Variants in ABCD3 observed in about 807,000 individuals in gnomAD.
ABCD3 encodes the protein ATP-binding cassette sub-family D member 3.
A neutral mutation model predicts 105.5 loss-of-function variants in ABCD3; 41 were observed. The observed-to-expected ratio is 0.39, with a 90% CI of 0.30 to 0.50. The LOEUF is 0.50. ABCD3 is among the 20% of genes least tolerant of loss of function. ABCD3 has a pLI of 0.84. For missense variants in ABCD3, 622 were observed against 806.3 expected (o/e 0.77, Z 2.77); for synonymous variants, 258 against 269.0 (o/e 0.96, Z 0.40).
intron 10 of ABCD3, among the ~76,000 whole-genome samples, chr1:94,485,204 A>G (rs1043626755): frequency 2.6e-5 from 4 of 152,190 alleles, no homozygotes; most frequent in Admixed American, 2.0e-4. Context: ...CCACTTGGAA[A>G]ATTTGAATTC....
the ABCD3 span, among the ~76,000 whole-genome samples, chr1:94,411,894 T>C: frequency 6.6e-6 from 1 of 152,110 alleles, no homozygotes; most frequent in African/African-American, 2.4e-5. Context: ...AAGCCAGACA[T>C]AAAAGGGCAC....
At chr1:94,412,084 C>T in the ABCD3 span, among the ~76,000 whole-genome samples, 9 of 152,052 alleles carry the variant, frequency 5.9e-5, no homozygotes, top group East Asian at 1.7e-3. Context: ...TGGGAGTTGC[C>T]CCACATTGTA....
intron 16 of ABCD3, among the ~76,000 whole-genome samples, chr1:94,493,487 T>C (rs1649635432): frequency 6.6e-6 from 1 of 151,418 alleles, no homozygotes; most frequent in South Asian, 2.1e-4. Flanking sequence ...ACTTTTACAC[T>C]GTTGGTGGGA....
At chr1:94,475,515 T>A (rs1648695779) in intron 6 of ABCD3, 99 bp from the exon 7 acceptor site, 1 of 1,295,186 alleles carries the variant, frequency 7.7e-7, no homozygotes, top group Non-Finnish European at 1.1e-6. Flanking sequence ...CTTTTTTGTT[T>A]CTATGTATTT....
chr1:94,422,789 T>C (rs1365918725), intron 1 of ABCD3, among the ~76,000 whole-genome samples: 2 of 152,230 alleles, frequency 1.3e-5, no homozygotes, highest in African/African-American at 4.8e-5. Context: ...TACCTGAGCA[T>C]ATATAACCTG....
At chr1:94,444,028 T>A (rs1660237286) in intron 1 of ABCD3, among the ~76,000 whole-genome samples, 1 of 152,058 alleles carries the variant, frequency 6.6e-6, no homozygotes, top group Non-Finnish European at 1.5e-5. Flanking sequence ...ATTTTTTGCT[T>A]CTATCTGTGT....
At chr1:94,407,144 C>T in the ABCD3 span, among the ~76,000 whole-genome samples, 2 of 151,850 alleles carry the variant, frequency 1.3e-5, no homozygotes, top group African/African-American at 4.8e-5. Context: ...ATTGAAACAT[C>T]CTTTTGTTTT....
At chr1:94,420,184 A>G (rs1024483050) in intron 1 of ABCD3, among the ~76,000 whole-genome samples, 1 of 152,168 alleles carries the variant, frequency 6.6e-6, no homozygotes, top group Non-Finnish European at 1.5e-5. Flanking sequence ...AATTTTTACA[A>G]GTAGAACACA....
the ABCD3 span, among the ~76,000 whole-genome samples, chr1:94,411,737 C>A: frequency 6.6e-6 from 1 of 152,124 alleles, no homozygotes; most frequent in Non-Finnish European, 1.5e-5. Context: ...AAGGTAGAAA[C>A]AACCCAAATG....
At chr1:94,480,711 G>T in intron 9 of ABCD3, 105 bp downstream of exon 9, 1 of 1,172,164 alleles carries the variant, frequency 8.5e-7, no homozygotes, top group Non-Finnish European at 1.3e-6. Context: ...CTGTAATAAT[G>T]TGCATATTGT....
the ABCD3 span, among the ~76,000 whole-genome samples, chr1:94,391,642 T>C: frequency 6.6e-6 from 1 of 152,280 alleles, no homozygotes; most frequent in East Asian, 1.9e-4. Flanking sequence ...GCACTCCTCA[T>C]TGCTTTCATG....
rs1553168370 is a variant in ABCD3, at chr1:94,438,333, C to CACACACACAG, written c.110+19754_110+19755insGACACACACA. On this transcript the variant is annotated intron_variant, in intron 1 of 22. Coordinates refer to ENST00000370214, the MANE Select transcript of ABCD3 (RefSeq NM_002858.4). Reference sequence around the variant, plus strand: ...ACACACACACACACACACACACACACACACACACACAAACTTGAAAGGATG... The same window carrying CACACACACAG: ...ACACACACACACACACACACACACACACACACACAGACACACACACAAACTTGAAAGGATG... 8.0e-5 allele frequency among the ~76,000 whole-genome samples: 12 copies of CACACACACAG among 149,940 alleles called. No individual in the cohort carries two copies. The East Asian group carries it at 2.1e-3, about 27-fold the overall frequency.
intron 7 of ABCD3, among the ~76,000 whole-genome samples, chr1:94,475,982 G>A (rs1291655231): frequency 6.6e-6 from 1 of 152,058 alleles, no homozygotes; most frequent in Non-Finnish European, 1.5e-5. Context: ...AATTTTGCAG[G>A]TTGATTCCAT....
At chr1:94,493,193 C>G (rs1301473777) in intron 16 of ABCD3, among the ~76,000 whole-genome samples, 2 of 151,970 alleles carry the variant, frequency 1.3e-5, no homozygotes, top group Admixed American at 1.3e-4. Context: ...TCGCAACCTA[C>G]TCATCTGACA....
At chr1:94,480,759 AAGT>A (rs545793773) in intron 9 of ABCD3, among the ~76,000 whole-genome samples, 153 bp downstream of exon 9, 21 of 152,294 alleles carry the variant, frequency 1.4e-4, no homozygotes, top group Admixed American at 9.8e-4. Flanking sequence ...TAGTTTTATA[AAGT>A]AGTAATCATG....
At chr1:94,485,128 CT>C (rs1160658098) in intron 10 of ABCD3, among the ~76,000 whole-genome samples, 1 of 152,084 alleles carries the variant, frequency 6.6e-6, no homozygotes. Context: ...AGTTTACTGG[CT>C]TTTTGTTTTA....
chr1:94,515,361 T>C, intron 22 of ABCD3, among the ~76,000 whole-genome samples, 159 bp downstream of exon 22: 1 of 152,050 alleles, frequency 6.6e-6, no homozygotes, highest in East Asian at 1.9e-4. Flanking sequence ...TTTTCTTAAA[T>C]ATTATAGTTG....
At chr1:94,395,495 T>A in the ABCD3 span, among the ~76,000 whole-genome samples, 1 of 152,166 alleles carries the variant, frequency 6.6e-6, no homozygotes, top group African/African-American at 2.4e-5. Flanking sequence ...TAGGAATGCA[T>A]AAATTATCAC....
intron 1 of ABCD3, among the ~76,000 whole-genome samples, chr1:94,443,487 T>G (rs1276887217): frequency 6.6e-6 from 1 of 152,194 alleles, no homozygotes; most frequent in Non-Finnish European, 1.5e-5. Flanking sequence ...TATTTTTGTT[T>G]TTGTTGTGCT....
Sources: gnomAD v4.1 joint callset for allele counts (sites outside exome capture counted in the v4.1 genomes callset) on GRCh38, gnomAD v4.1.1 for gene constraint, MANE v1.5 for transcripts, NCBI Gene and HGNC (gene_info 2026-07-23, HGNC 2026-07-21) for gene names.